DAB2: variants seen among roughly 807,000 people sequenced by gnomAD.
DAB2 encodes disabled homolog 2.
A neutral mutation model predicts 71.6 loss-of-function variants in DAB2; 28 were observed. That is an observed-to-expected ratio of 0.39 (90% CI 0.29 to 0.54). The LOEUF (loss-of-function observed/expected upper bound fraction) is 0.54, where lower values mean the gene tolerates loss of function less well. DAB2 is among the 20% of genes least tolerant of loss of function. The pLI, the probability that DAB2 is intolerant of heterozygous loss-of-function variation, is 0.68. For synonymous variants in DAB2, 345 were observed against 339.7 expected, an observed-to-expected ratio of 1.02 and a Z score of -0.17; for missense variants, 867 against 928.8, an observed-to-expected ratio of 0.93 and a Z score of 0.86.
Position 39,390,557 on chromosome 5 carries a change from G to A in DAB2, c.349C>T (p.Pro117Ser). 1.2e-6 allele frequency: 2 copies of A among 1,612,744 alleles called. No individual in the cohort carries two copies. Among genetic ancestry groups the A allele is most frequent in the Non-Finnish European group, 1.7e-6 (2 of 1,178,948 alleles). ...EKTGVIEHEH[P>S]VNKISFIARD... ...GCAATGAAAGAAATCTTATTTACTG[G>A]ATGTTCATGCTCTATTACCTTAAAA... The change falls in exon 5 of 15, where the codon CCA becomes TCA. Residue 117 changes from proline to serine, a missense_variant. Pro to Ser is a moderately conservative substitution (Grantham distance 74, BLOSUM62 -1). Transcript: ENST00000320816.
chr5:39,401,969 C>T (rs1191294205), intron 1 of DAB2, among the ~76,000 whole-genome samples: 3 of 152,048 alleles, frequency 2.0e-5, no homozygotes, highest in African/African-American at 7.2e-5. Context: ...AGAGGTTTAA[C>T]GGACTCACAG....
At chr5:39,409,535 G>C (rs1423011649) in intron 1 of DAB2, among the ~76,000 whole-genome samples, 1 of 152,204 alleles carries the variant, frequency 6.6e-6, no homozygotes, top group African/African-American at 2.4e-5. Flanking sequence ...GTCTGTAAGT[G>C]AGACAGGTTT....
rs200174452 is a variant in DAB2, at chr5:39,388,366, C to T, written c.626G>A (p.Gly209Asp). 2.5e-6 allele frequency: 4 copies of T among 1,607,514 alleles called. No individual in the cohort carries two copies. Among genetic ancestry groups the T allele is most frequent in the Non-Finnish European group, 3.4e-6 (4 of 1,174,594 alleles). ...CCCAAACAAATCCATCTGGTCAACA[C>T]CCTTAAAAAAGTATTTGGATTAGAT... is the stretch of plus-strand genomic sequence containing the variant. ...LDDQTNKLKSGVDQMDLFGDM... is the reference protein window; with the variant it reads ...LDDQTNKLKSDVDQMDLFGDM... Residue 209 changes from glycine (G) to aspartate (D), a missense_variant and splice_region_variant, in exon 9 of 15, where the codon GGT becomes GAT. By Grantham distance (94) the Gly-to-Asp change is moderately conservative (BLOSUM62 -1). Transcript: ENST00000320816.
At chr5:39,375,123 C>A in intron 13 of DAB2, 39 bp from the exon 14 acceptor site, 3 of 1,476,380 alleles carry the variant, frequency 2.0e-6, no homozygotes, top group Non-Finnish European at 2.8e-6. Flanking sequence ...AATACAGTTA[C>A]AGTCATAAGA....
At chr5:39,402,761 T>G (rs555004294) in intron 1 of DAB2, among the ~76,000 whole-genome samples, 39 of 152,264 alleles carry the variant, frequency 2.6e-4, no homozygotes, top group African/African-American at 9.1e-4. Flanking sequence ...GTGAGATGGT[T>G]TGCCAGTGTA....
chr5:39,388,595 G>A (rs1755151531), intron 8 of DAB2, among the ~76,000 whole-genome samples: 1 of 152,152 alleles, frequency 6.6e-6, no homozygotes, highest in Non-Finnish European at 1.5e-5. Context: ...TTCAGGTGTG[G>A]CTACTAAAAA....
At chr5:39,392,645 CTTAG>C (rs1755262778) in intron 3 of DAB2, among the ~76,000 whole-genome samples, 182 bp from the exon 4 acceptor site, 3 of 152,170 alleles carry the variant, frequency 2.0e-5, no homozygotes, top group Admixed American at 2.0e-4. Flanking sequence ...CAGGGCATCC[CTTAG>C]TTAGCTGTGC....
At chr5:39,414,724 G>T (rs1209943534) in intron 1 of DAB2, among the ~76,000 whole-genome samples, 1 of 150,230 alleles carries the variant, frequency 6.7e-6, no homozygotes, top group East Asian at 1.9e-4. Flanking sequence ...AGGGGGGGGG[G>T]TGGTCAGAAT....
In DAB2 at chr5:39,382,976, G is replaced by A; in HGVS notation, c.983C>T (p.Ser328Phe). 1.2e-6 allele frequency: 2 copies of A among 1,614,138 alleles called. No individual in the cohort carries two copies. The highest frequency in any genetic ancestry group is 1.7e-6 in the Non-Finnish European group (2 of 1,180,028). Residue 328 changes from serine to phenylalanine, a missense_variant, in exon 10 of 15, where the codon TCT becomes TTT. Ser to Phe is a radical substitution (Grantham distance 155, BLOSUM62 -2). Transcript: ENST00000320816. ...CAGGGGCCCATTACTCAGCGGAGTAGACGAGCTACTCGAATTCTCTTTCTT... is the reference window on the plus strand; with the variant it reads ...CAGGGGCCCATTACTCAGCGGAGTAAACGAGCTACTCGAATTCTCTTTCTT... ...DQKKENSSSS[S>F]TPLSNGPLNG...
intron 4 of DAB2, among the ~76,000 whole-genome samples, chr5:39,390,942 A>G (rs533831922): frequency 3.9e-5 from 6 of 152,262 alleles, no homozygotes; most frequent in Non-Finnish European, 8.8e-5. Flanking sequence ...TCAAAGACAA[A>G]CTTAAAAGAA....
chr5:39,402,198 T>A (rs1030169421), intron 1 of DAB2, among the ~76,000 whole-genome samples: 1 of 152,152 alleles, frequency 6.6e-6, no homozygotes, highest in African/African-American at 2.4e-5. Context: ...ATGGGAATTA[T>A]GGGAGCCACA....
At chr5:39,395,295 G>A (rs2855510) in intron 1 of DAB2, among the ~76,000 whole-genome samples, 33,661 of 152,070 alleles carry the variant, frequency 0.22, 3,841 homozygotes, top group Admixed American at 0.28. Flanking sequence ...GATGACCAAA[G>A]GCAAAGAAAA....
chr5:39,412,056 A>G (rs1755743983), intron 1 of DAB2, among the ~76,000 whole-genome samples: 1 of 152,124 alleles, frequency 6.6e-6, no homozygotes, highest in Non-Finnish European at 1.5e-5. Flanking sequence ...TCGCTCTCAG[A>G]GCTGGGGCGG....
intron 1 of DAB2, among the ~76,000 whole-genome samples, chr5:39,396,451 G>T (rs147870321): frequency 6.6e-6 from 1 of 152,198 alleles, no homozygotes; most frequent in Non-Finnish European, 1.5e-5. Flanking sequence ...TTGAATGTAG[G>T]AGACTCATTT....
Position 39,388,807 on chromosome 5 carries a change from G to T in DAB2, c.616C>A (p.Leu206Met). 6.2e-7 allele frequency: 1 copy of T among 1,612,932 alleles called. No homozygotes were observed. The highest frequency in any genetic ancestry group is 8.5e-7 in the Non-Finnish European group (1 of 1,179,046). Residue 206 changes from leucine (L) to methionine (M), a missense_variant, in exon 8 of 15, where the codon CTG becomes ATG. Leu to Met is a conservative substitution (Grantham distance 15). Transcript: ENST00000320816. ...LMILDDQTNK[L>M]KSGVDQMDLF... ...CACATATTAATACATACCGATTTCA[G>T]TTTGTTAGTTTGGTCATCTAGAATC...
intron 9 of DAB2, among the ~76,000 whole-genome samples, chr5:39,383,720 A>G (rs1755034050): frequency 6.6e-6 from 1 of 152,172 alleles, no homozygotes; most frequent in South Asian, 2.1e-4. Flanking sequence ...ACCTATACAC[A>G]TACAGTCCTC....
chr5:39,404,797 T>C (rs1755577464), intron 1 of DAB2, among the ~76,000 whole-genome samples: 1 of 152,194 alleles, frequency 6.6e-6, no homozygotes, highest in Admixed American at 6.5e-5. Context: ...CAGGCTGGTC[T>C]CGAACTCCTG....
chr5:39,403,528 G>A lies in DAB2; in HGVS notation c.-101-9107C>T, dbSNP rs1258399628. On this transcript the variant is annotated intron_variant, in intron 1 of 14. Transcript: ENST00000320816. ...CAAAATAGAAAAAGGATCTTACATG[G>A]TCTCATTATACATTGTCACTAGATT... Among the ~76,000 whole-genome samples the A allele has an allele frequency of 2.0e-5, 3 of 152,150 alleles. No homozygotes were observed. In the East Asian group the frequency reaches 5.8e-4, roughly 30 times the overall value.
intron 9 of DAB2, chr5:39,385,405 A>G (rs1579905613): frequency 6.6e-6 from 1 of 152,312 alleles, no homozygotes. Context: ...AGGAGCCACA[A>G]TGTTAGACTT....
Sources: gnomAD v4.1 joint callset for allele counts (sites outside exome capture counted in the v4.1 genomes callset) on GRCh38, gnomAD v4.1.1 for gene constraint, MANE v1.5 for transcripts, NCBI Gene and HGNC (gene_info 2026-07-23, HGNC 2026-07-21) for gene names.